Variants in CSMD1 observed in about 807,000 individuals in gnomAD.
The protein encoded by CSMD1 is CUB and Sushi multiple domains 1, also known as CUB and sushi domain-containing protein 1.
In CSMD1, 213 loss-of-function variants were observed where a neutral mutation model predicts 417.5. That is an observed-to-expected ratio of 0.51 (90% confidence interval 0.46 to 0.57). The LOEUF is 0.57. Among genes scored for constraint, CSMD1 ranks in the 20% least tolerant of loss-of-function variants. CSMD1 has a pLI of 0.00. For missense variants in CSMD1, 6,923 were observed against 4,529.7 expected, an observed-to-expected ratio of 1.53 and a Z score of -15.17; for synonymous variants, 2,862 against 1,736.8, an observed-to-expected ratio of 1.65 and a Z score of -16.11.
intron 5 of CSMD1, among the ~76,000 whole-genome samples, chr8:3,783,412 AGGCGGCCCTG>A (rs1357007108): frequency 6.6e-6 from 1 of 152,212 alleles, no homozygotes; most frequent in Non-Finnish European, 1.5e-5. Flanking sequence ...TGGCACAGTC[AGGCGGCCCTG>A]GGCGGCCCTA....
chr8:4,437,515 A>C (rs1798216459), intron 2 of CSMD1, among the ~76,000 whole-genome samples: 1 of 152,090 alleles, frequency 6.6e-6, no homozygotes, highest in African/African-American at 2.4e-5. Flanking sequence ...CCGCGTATGT[A>C]TTTTTGTCAT....
intron 7 of CSMD1, chr8:3,702,267 C>T (rs537254063): frequency 6.6e-6 from 1 of 152,204 alleles, no homozygotes; most frequent in Non-Finnish European, 1.5e-5. Context: ...GTCCCATCAG[C>T]TCATCTGAGT....
Position 3,982,712 on chromosome 8 carries a change from G to C in CSMD1, c.818+15191C>G, listed in dbSNP as rs996238950. On this transcript the variant is annotated intron_variant, in intron 5 of 69. Coordinates refer to ENST00000635120, the MANE Select transcript of CSMD1 (RefSeq NM_033225.6). ...AAGCCTCATAAGATCAGGAGGCAGA[G>C]GGAAGCACCCGGCATCTGTAGGAGG... Among the ~76,000 whole-genome samples, 3 of 152,200 alleles carry C rather than the reference G, an allele frequency of 2.0e-5. No individual in the cohort carries two copies. In the Middle Eastern group the frequency reaches 0.01, roughly 518 times the overall value.
chr8:4,873,907 A>G (rs1250859854), intron 1 of CSMD1, among the ~76,000 whole-genome samples: 2 of 152,168 alleles, frequency 1.3e-5, no homozygotes, highest in Non-Finnish European at 2.9e-5. Context: ...ATTAGAAAGA[A>G]GAAAGGAAAG....
intron 49 of CSMD1, among the ~76,000 whole-genome samples, chr8:3,053,373 G>A (rs1812000209): frequency 6.6e-6 from 1 of 152,140 alleles, no homozygotes; most frequent in Admixed American, 6.5e-5. Flanking sequence ...TTGCAGTGTA[G>A]ACTCTTTGGT....
intron 1 of CSMD1, among the ~76,000 whole-genome samples, chr8:4,657,909 C>G (rs991599857): frequency 1.3e-5 from 2 of 151,848 alleles, no homozygotes; most frequent in Non-Finnish European, 1.5e-5. Context: ...TAAAAAAATA[C>G]AAATACTGAA....
chr8:4,989,821 C>A (rs948680604), intron 1 of CSMD1, among the ~76,000 whole-genome samples: 1 of 152,202 alleles, frequency 6.6e-6, no homozygotes, highest in Non-Finnish European at 1.5e-5. Context: ...CACGAACCAG[C>A]CACCGAGCTT....
chr8:4,346,010 A>G (rs942129326), intron 3 of CSMD1, among the ~76,000 whole-genome samples: 4 of 152,150 alleles, frequency 2.6e-5, no homozygotes, highest in Non-Finnish European at 4.4e-5. Flanking sequence ...TTAGTATAAA[A>G]TAACGGAATA....
intron 1 of CSMD1, among the ~76,000 whole-genome samples, chr8:4,693,035 A>G (rs761680223): frequency 1.4e-4 from 21 of 152,120 alleles, no homozygotes; most frequent in Admixed American, 5.9e-4. Flanking sequence ...CCAGAGGCCA[A>G]TCTTCTCTGG....
intron 4 of CSMD1, among the ~76,000 whole-genome samples, chr8:4,022,358 A>C (rs1037903032): frequency 1.8e-4 from 27 of 152,060 alleles, no homozygotes; most frequent in Admixed American, 1.6e-3. Flanking sequence ...TAGCATACTT[A>C]AAATCATGAA....
chr8:4,491,396 G>A (rs973978279), intron 2 of CSMD1, among the ~76,000 whole-genome samples: 1 of 152,086 alleles, frequency 6.6e-6, no homozygotes, highest in Non-Finnish European at 1.5e-5. Context: ...CCCTGGGTTT[G>A]CAATACAGTT....
chr8:4,119,632 T>C (rs1802366620), intron 3 of CSMD1, among the ~76,000 whole-genome samples: 1 of 152,116 alleles, frequency 6.6e-6, no homozygotes, highest in Non-Finnish European at 1.5e-5. Context: ...GTCTGTGCTC[T>C]GTGAGGAACA....
intron 12 of CSMD1, among the ~76,000 whole-genome samples, chr8:3,466,710 T>C (rs1436768924): frequency 1.3e-5 from 2 of 151,822 alleles, no homozygotes; most frequent in Non-Finnish European, 2.9e-5. Context: ...ATTAAAGGTG[T>C]CAGCCCCCCT....
Position 4,980,641 on chromosome 8 carries a change from G to A in CSMD1, c.85+13691C>T, listed in dbSNP as rs150444357. ...TATCTAGCCAGGCATGGTGGCTCAC[G>A]CCTGTAATCCTAGCACTTTGGGAGG... is the stretch of plus-strand genomic sequence containing the variant. On this transcript the variant is annotated intron_variant, in intron 1 of 69. Transcript: ENST00000635120. 2.6e-4 allele frequency among the ~76,000 whole-genome samples: 39 copies of A among 152,258 alleles called. No homozygotes were observed. In the East Asian group the frequency reaches 6.6e-3, roughly 26 times the overall value.
intron 2 of CSMD1, among the ~76,000 whole-genome samples, chr8:4,431,497 G>C (rs59439213): frequency 0.027 from 4,126 of 152,112 alleles, 204 homozygotes; most frequent in African/African-American, 0.094. Flanking sequence ...AGACCAAGTA[G>C]AGACCAATTG....
chr8:3,960,518 A>T (rs1812252861), intron 5 of CSMD1, among the ~76,000 whole-genome samples: 1 of 152,154 alleles, frequency 6.6e-6, no homozygotes, highest in Non-Finnish European at 1.5e-5. Context: ...AAAATTTAAA[A>T]ATTAGCATTT....
At chr8:4,560,444 T>G (rs1183836377) in intron 2 of CSMD1, among the ~76,000 whole-genome samples, 1 of 152,216 alleles carries the variant, frequency 6.6e-6, no homozygotes, top group East Asian at 1.9e-4. Context: ...GCAATTATGC[T>G]TCTGCAATCT....
At chr8:3,966,765 G>A (rs371575477) in intron 5 of CSMD1, among the ~76,000 whole-genome samples, 1,685 of 131,126 alleles carry the variant, frequency 0.013, 33 homozygotes, top group African/African-American at 0.043. Flanking sequence ...GCGCGCGCGC[G>A]CACACACACT....
intron 3 of CSMD1, among the ~76,000 whole-genome samples, chr8:4,205,946 T>G (rs1399159391): frequency 6.6e-6 from 1 of 152,158 alleles, no homozygotes; most frequent in Non-Finnish European, 1.5e-5. Flanking sequence ...CCCAAGTTAC[T>G]TGCTACCTTC....
Sources: allele counts gnomAD v4.1 joint callset (sites outside exome capture counted in the v4.1 genomes callset), GRCh38; gene constraint gnomAD v4.1.1; transcripts MANE v1.5; gene names NCBI Gene and HGNC (gene_info 2026-07-23, HGNC 2026-07-21).